The following FBL variants were observed in gnomAD, a reference collection of about 807,000 sequenced individuals.
FBL encodes the protein rRNA 2'-O-methyltransferase fibrillarin.
In FBL, 10 loss-of-function variants were observed where a neutral mutation model predicts 42.2. That is an observed-to-expected ratio of 0.24 (90% CI 0.15 to 0.40). The LOEUF (loss-of-function observed/expected upper bound fraction) is 0.40, where lower values mean the gene tolerates loss of function less well. Ranked by LOEUF, FBL falls within the 10% of genes least tolerant of loss-of-function variation. The pLI is 1.00. For synonymous variants in FBL, 165 were observed against 165.4 expected (o/e 1.00, Z 0.02); for missense variants, 351 against 439.2 (o/e 0.80, Z 1.79).
At chr19:39,839,452 A>T (rs1969114370) in intron 4 of FBL, among the ~76,000 whole-genome samples, 1 of 152,254 alleles carries the variant, frequency 6.6e-6, no homozygotes, top group Non-Finnish European at 1.5e-5. Context: ...ACAAACATGC[A>T]CTGTGCCAGC....
chr19:39,842,643 C>A (rs1568542156), intron 1 of FBL, among the ~76,000 whole-genome samples: 1 of 152,136 alleles, frequency 6.6e-6, no homozygotes, highest in Non-Finnish European at 1.5e-5. Flanking sequence ...TCTCATCATG[C>A]CCTTGCCCAA....
rs1969109533 is a variant in FBL at position 39,839,194 on chromosome 19, G to A, written c.390C>T (p.Asp130=). The A allele has an allele frequency of 3.1e-6, 5 of 1,611,098 alleles. No individual in the cohort carries two copies. In the South Asian group the frequency reaches 3.3e-5, roughly 11 times the overall value. ...EKRVSISEGD[D]KIEYRAWNPF... ...GGTTCCAGGCTCGGTACTCAATTTT[G>A]TCATCTCCTTCCTAGATGAGAGATG... The change falls in exon 5 of 9, where the codon GAC becomes GAT. Residue 130 remains aspartate (D), a synonymous_variant. Coordinates refer to ENST00000221801, the MANE Select transcript of FBL (RefSeq NM_001436.4).
rs533637047 is a variant in FBL, at chr19:39,840,901, C to G, written c.11-114G>C. On this transcript the variant is annotated intron_variant, in intron 1 of 8. Transcript: ENST00000221801. This position sits in a 1 kb window ranked among gnomAD's most constrained non-coding sequence, Gnocchi z 4.5. ...CTGAAATACATGTGCCCGTGTACAG[C>G]AGGACACATTTCCAAGAATGTCCAC... The G allele has an allele frequency of 7.0e-6, 7 of 1,002,394 alleles. No homozygotes were observed. In the South Asian group the frequency reaches 1.6e-4, roughly 22 times the overall value. 62.1% of individuals were successfully genotyped at this position (1,002,394 alleles called of 1,614,324 possible). A position where few individuals can be genotyped will look rare whatever the true frequency, so the allele number is the denominator to read the frequency against.
intron 7 of FBL, among the ~76,000 whole-genome samples, chr19:39,836,158 A>C (rs560295851): frequency 6.6e-5 from 10 of 151,966 alleles, no homozygotes; most frequent in African/African-American, 2.2e-4. Flanking sequence ...AGAGTTCTCC[A>C]TTATTTCCAA....
At chr19:39,842,946 C>T (rs1184624771) in intron 1 of FBL, among the ~76,000 whole-genome samples, 4 of 152,178 alleles carry the variant, frequency 2.6e-5, no homozygotes, top group Non-Finnish European at 5.9e-5. Flanking sequence ...ATCTTTACCA[C>T]GTGCTGTTCC....
intron 1 of FBL, among the ~76,000 whole-genome samples, chr19:39,845,906 A>G (rs1599661488): frequency 6.6e-6 from 1 of 152,138 alleles, no homozygotes; most frequent in Admixed American, 6.5e-5. Context: ...GGAACTCTCC[A>G]TCTCCGACCC....
intron 5 of FBL, 167 bp downstream of exon 5, chr19:39,838,868 A>G (rs1380621216): frequency 3.1e-6 from 2 of 635,654 alleles, no homozygotes; most frequent in Non-Finnish European, 5.4e-6. Flanking sequence ...GTGAGGTTGA[A>G]TGACATTATC....
chr19:39,840,096 G>A lies in FBL; in HGVS notation c.378+137C>T, dbSNP rs1283676247. 6.0e-6 allele frequency: 4 copies of A among 662,358 alleles called. No homozygotes were observed. The African/African-American group carries it at 7.2e-5, about 12-fold the overall frequency. The allele number at this position is 662,358 out of a possible 1,614,324, so 41.0% of individuals were successfully genotyped here. A position where few individuals can be genotyped will look rare whatever the true frequency, so the allele number is the denominator to read the frequency against. ...TGGGGAGTCACAGAAGGCGGATGAG[G>A]GAGCAGACAGTGTGGTTTACATATT... On this transcript the variant is annotated intron_variant, in intron 4 of 8. Transcript: ENST00000221801. This position sits in a 1 kb window ranked among gnomAD's most constrained non-coding sequence, Gnocchi z 4.5.
chr19:39,843,640 G>A (rs182802452), intron 1 of FBL, among the ~76,000 whole-genome samples: 10 of 152,104 alleles, frequency 6.6e-5, no homozygotes, highest in Non-Finnish European at 1.2e-4. Context: ...GCGTGGTGGC[G>A]CATGCCTGTA....
At position 39,836,550 on chromosome 19, in the gene FBL, C is replaced by T. The variant is rs766637544; in HGVS notation, c.795+6G>A. 1.9e-6 allele frequency: 3 copies of T among 1,599,058 alleles called. No individual in the cohort carries two copies. The highest frequency in any genetic ancestry group is 2.6e-6 in the Non-Finnish European group (3 of 1,166,470). The stretch of plus-strand genomic sequence containing the variant: ...ACCCCATCTTAGACTCTTCCAAACC[C>T]CGCACCTTAATGGAAATCACAAAGT... On this transcript the variant is annotated splice_donor_region_variant and intron_variant, in intron 7 of 8. Transcript: ENST00000221801.
intron 7 of FBL, among the ~76,000 whole-genome samples, chr19:39,835,259 G>A (rs957629784): frequency 9.9e-5 from 15 of 152,186 alleles, no homozygotes; most frequent in Admixed American, 3.9e-4. Context: ...GGTGGCTCAC[G>A]CCTGTAATCC....
At chr19:39,838,337 T>C (rs894931867) in intron 5 of FBL, 2 of 150,864 alleles carry the variant, frequency 1.3e-5, no homozygotes, top group African/African-American at 5.0e-5. Flanking sequence ...CTCAGCTTAG[T>C]GCAACGTCCG....
chr19:39,843,899 GGTACGC>G (rs1969210036), intron 1 of FBL, among the ~76,000 whole-genome samples: 2 of 151,998 alleles, frequency 1.3e-5, no homozygotes, highest in African/African-American at 4.8e-5. Context: ...CAAACTCAGG[GGTACGC>G]GTCTCCTCTT....
chr19:39,842,938 C>A (rs1002489986), intron 1 of FBL, among the ~76,000 whole-genome samples: 2 of 152,146 alleles, frequency 1.3e-5, no homozygotes, highest in Non-Finnish European at 2.9e-5. Flanking sequence ...GCTTCTAAAT[C>A]TTTACCACGT....
chr19:39,845,301 C>G (rs1425395017), intron 1 of FBL, among the ~76,000 whole-genome samples: 3 of 152,172 alleles, frequency 2.0e-5, no homozygotes, highest in Non-Finnish European at 4.4e-5. Context: ...ATGTTGTTCT[C>G]TTTGAGAAAG....
chr19:39,840,123 T>C lies in FBL; in HGVS notation c.378+110A>G, dbSNP rs536888704. 9.5e-4 allele frequency: 736 copies of C among 776,102 alleles called. 1 individual carries two copies. Among genetic ancestry groups the C allele is most frequent in the Middle Eastern group, 1.5e-3 (4 of 2,710 alleles). The allele number at this position is 776,102 out of a possible 1,614,324, so 48.1% of individuals were successfully genotyped here. On this transcript the variant is annotated intron_variant, in intron 4 of 8. Transcript: ENST00000221801. This position sits in a 1 kb window ranked among gnomAD's most constrained non-coding sequence, Gnocchi z 4.5. ...AGCAGACAGTGTGGTTTACATATTA[T>C]GACAATCCTCCAGCTGTCACGTGCA...
intron 7 of FBL, among the ~76,000 whole-genome samples, chr19:39,836,155 T>TC (rs1217050074): frequency 6.6e-6 from 1 of 151,712 alleles, no homozygotes; most frequent in Admixed American, 6.6e-5. Flanking sequence ...GGGAGAGTTC[T>TC]CCATTATTTC....
In FBL at chr19:39,840,472, T is replaced by A. The variant is rs776790722; in HGVS notation, c.225A>T (p.Gly75=). 1.9e-6 allele frequency: 3 copies of A among 1,613,654 alleles called. No homozygotes were observed. The East Asian group carries it at 6.7e-5, about 36-fold the overall frequency. Residue 75 remains glycine (G), a synonymous_variant, in exon 3 of 9, where the codon GGA becomes GGT. Coordinates refer to ENST00000221801, the MANE Select transcript of FBL (RefSeq NM_001436.4). The surrounding 1 kb of genome is among the most constrained non-coding windows in gnomAD (Gnocchi z 4.5). ...HSGGNRGRGR[G]GKRGNQSGKN... The stretch of plus-strand genomic sequence containing the variant: ...TCCCCGACTGGTTTCCTCTTTTTCC[T>A]CCCCGACCACGACCCCGGTTGCCAC...
intron 7 of FBL, among the ~76,000 whole-genome samples, chr19:39,836,304 A>G (rs1253986057): frequency 6.6e-6 from 1 of 152,094 alleles, no homozygotes; most frequent in Non-Finnish European, 1.5e-5. Context: ...CAATATTTCT[A>G]TTTCATAAGT....
Sources: allele counts gnomAD v4.1 joint callset (sites outside exome capture counted in the v4.1 genomes callset), GRCh38; gene constraint gnomAD v4.1.1; non-coding constraint Gnocchi (gnomAD v3.1); transcripts MANE v1.5; gene names NCBI Gene and HGNC (gene_info 2026-07-23, HGNC 2026-07-21).